VPS37D: variants seen among roughly 807,000 people sequenced by gnomAD.
The protein encoded by VPS37D is VPS37D subunit of ESCRT-I, also known as vacuolar protein sorting-associated protein 37D.
Under a neutral mutation model 22.0 loss-of-function variants are expected in VPS37D, and 5 were observed. That is an observed-to-expected ratio of 0.23 (90% CI 0.12 to 0.48). VPS37D has a LOEUF of 0.48. VPS37D is among the 20% of genes least tolerant of loss of function. VPS37D has a pLI of 0.99. For synonymous variants in VPS37D, 174 were observed against 159.3 expected (o/e 1.09, Z -0.69); for missense variants, 384 against 345.8 (o/e 1.11, Z -0.88).
rs1446723878 is a variant in VPS37D, at chr7:73,668,122, G to A, written c.138+26G>A. 5 of 1,081,062 alleles carry A rather than the reference G, an allele frequency of 4.6e-6. No individual in the cohort carries two copies. In the African/African-American group the frequency reaches 6.8e-5, roughly 15 times the overall value. 67.0% of individuals were successfully genotyped at this position (1,081,062 alleles called of 1,614,324 possible). A position where few individuals can be genotyped will look rare whatever the true frequency, so the allele number is the denominator to read the frequency against. On this transcript the variant is annotated intron_variant, in intron 1 of 3. Transcript: ENST00000324941. ...GTAGCGCGGGGGGCTCGAGCGGGGG[G>A]CGCGGGGGACGGGCAGCGGCCTGCG...
At position 73,668,021 on chromosome 7, in the gene VPS37D, C is replaced by T. The variant is rs781876870; in HGVS notation, c.63C>T (p.Ile21=). Residue 21 remains isoleucine (I), a synonymous_variant, in exon 1 of 4, where the codon ATC becomes ATT. Transcript: ENST00000324941. ...CCGGCAGCCCGGGGCGCTTTGGGAT[C>T]CTCAGCACCGGGCAGCTCCGGGACC... ...PEPGSPGRFG[I]LSTGQLRDLL... is the part of the protein sequence containing the mutation. 4.3e-5 allele frequency: 49 copies of T among 1,151,674 alleles called. No homozygotes were observed. The highest frequency in any genetic ancestry group is 5.3e-5 in the Non-Finnish European group (49 of 926,922). 71.3% of individuals were successfully genotyped at this position (1,151,674 alleles called of 1,614,324 possible). A position where few individuals can be genotyped will look rare whatever the true frequency, so the allele number is the denominator to read the frequency against.
At chr7:73,668,213 T>G in intron 1 of VPS37D, 117 bp downstream of exon 1, 1 of 567,938 alleles carries the variant, frequency 1.8e-6, no homozygotes, top group Non-Finnish European at 2.2e-6. Context: ...GCGCGGAGCC[T>G]GGCACGTACG....
chr7:73,671,319 C>A lies in VPS37D; in HGVS notation c.699C>A (p.Leu233=). ...TGAAGGGCTCCCCCGGGTGCCCCCT[C>A]GGCCCGGCCCCCCTGCTGAGCCCTC... is the stretch of plus-strand genomic sequence containing the variant. ...PPLKGSPGCP[L]GPAPLLSPRP... Residue 233 remains leucine, a synonymous_variant, in exon 4 of 4, where the codon CTC becomes CTA. Transcript: ENST00000324941. 3 of 1,382,248 alleles carry A rather than the reference C, an allele frequency of 2.2e-6. No individual in the cohort carries two copies. Among genetic ancestry groups the A allele is most frequent in the South Asian group, 3.1e-5 (2 of 64,444 alleles). 85.6% of individuals were successfully genotyped at this position (1,382,248 alleles called of 1,614,324 possible).
At chr7:73,667,420 C>T (rs535392096), upstream of VPS37D, among the ~76,000 whole-genome samples, 9 of 152,282 alleles carry the variant, frequency 5.9e-5, no homozygotes, top group East Asian at 1.5e-3. Flanking sequence ...AGAGAGCCAC[C>T]GCGCCCGGCC....
At chr7:73,669,787 C>A (rs1362081108) in intron 2 of VPS37D, among the ~76,000 whole-genome samples, 197 bp downstream of exon 2, 1 of 152,094 alleles carries the variant, frequency 6.6e-6, no homozygotes, top group Admixed American at 6.6e-5. Context: ...TACGCAGGGT[C>A]CCCCTGAGAT....
At chr7:73,670,637 G>A (rs1281700611) in intron 3 of VPS37D, among the ~76,000 whole-genome samples, 3 of 151,956 alleles carry the variant, frequency 2.0e-5, no homozygotes, top group East Asian at 1.9e-4. Flanking sequence ...GTGAAACCCC[G>A]TCTCTACAAA....
chr7:73,668,576 A>C (rs1188947460), intron 1 of VPS37D, among the ~76,000 whole-genome samples: 1 of 151,870 alleles, frequency 6.6e-6, no homozygotes, highest in African/African-American at 2.4e-5. Context: ...TGTGTATTGC[A>C]TAGGCCACCG....
chr7:73,669,980 C>A (rs1797469846), intron 2 of VPS37D, 40 bp from the exon 3 acceptor site: 1 of 1,551,242 alleles, frequency 6.4e-7, no homozygotes, highest in Admixed American at 2.0e-5. Context: ...AAGCCCGGGG[C>A]CCTGGCCTGT....
intron 3 of VPS37D, 83 bp downstream of exon 3, chr7:73,670,185 C>A: frequency 6.5e-7 from 1 of 1,541,698 alleles, no homozygotes; most frequent in Non-Finnish European, 8.7e-7. Context: ...ACACCTCAGG[C>A]TGGGGAGCCC....
rs1554609309 is a variant in VPS37D, at chr7:73,669,566, T to C, written c.286T>C (p.Cys96Arg). Residue 96 changes from cysteine (C) to arginine (R), a missense_variant, in exon 2 of 4, where the codon TGC becomes CGC. By Grantham distance (180) the Cys-to-Arg change is radical. Transcript: ENST00000324941. ...YQELREVAEN[C>R]ADKLQRLEES... is the part of the protein sequence containing the mutation. ...GGAGCTTCGTGAGGTGGCCGAGAAC[T>C]GCGCGGACAAGCTGCAGCGACTGGG... 6.3e-7 allele frequency: 1 copy of C among 1,592,556 alleles called. No homozygotes were observed.
rs534139900 is a variant in VPS37D, at chr7:73,670,671, G to A, written c.394-343G>A. Among the ~76,000 whole-genome samples, 6 of 152,230 alleles carry A rather than the reference G, an allele frequency of 3.9e-5. No homozygotes were observed. The South Asian group carries it at 6.2e-4, about 16-fold the overall frequency. The stretch of plus-strand genomic sequence containing the variant: ...AAATACAAAAAAAAATTAGCCGGGC[G>A]TGGTGGTGCATGTCTGTCATCTCAG... On this transcript the variant is annotated intron_variant, in intron 3 of 3. Coordinates refer to ENST00000324941, the MANE Select transcript of VPS37D (RefSeq NM_001077621.2).
upstream of VPS37D, among the ~76,000 whole-genome samples, chr7:73,667,508 A>G (rs139682215): frequency 5.3e-3 from 808 of 152,004 alleles, 3 homozygotes; most frequent in Non-Finnish European, 8.3e-3. Flanking sequence ...GCAAGGCAGG[A>G]GCCCTCGGCG....
In VPS37D at chr7:73,671,850, G is replaced by A. The variant is rs1397176988; in HGVS notation, c.*474G>A. On this transcript the variant is annotated 3_prime_UTR_variant, in exon 4 of 4. Coordinates refer to ENST00000324941, the MANE Select transcript of VPS37D (RefSeq NM_001077621.2). The stretch of plus-strand genomic sequence containing the variant: ...CCACAGCCTAGGAGCCAGGTGATCA[G>A]GCCTCGGCTGTGGGGCCAGGGACAC... The A allele has an allele frequency of 3.3e-5, 5 of 152,264 alleles. No homozygotes were observed. The highest frequency in any genetic ancestry group is 1.2e-4 in the African/African-American group (5 of 41,444). 9.4% of individuals were successfully genotyped at this position (152,264 alleles called of 1,614,324 possible). A position where few individuals can be genotyped will look rare whatever the true frequency, so the allele number is the denominator to read the frequency against.
At chr7:73,670,642 T>C (rs1797486497) in intron 3 of VPS37D, among the ~76,000 whole-genome samples, 1 of 151,932 alleles carries the variant, frequency 6.6e-6, no homozygotes, top group Non-Finnish European at 1.5e-5. Context: ...ACCCCGTCTC[T>C]ACAAAATACA....
intron 3 of VPS37D, among the ~76,000 whole-genome samples, chr7:73,670,381 T>C (rs1393632147): frequency 6.6e-6 from 1 of 152,068 alleles, no homozygotes; most frequent in Non-Finnish European, 1.5e-5. Context: ...TTGTGCTGGG[T>C]TGGGAGTGCA....
chr7:73,667,871 C>CCGAAGCGGAGCGGAGCGGAGCGGAG lies in VPS37D; in HGVS notation c.-86_-85insAAGCGGAGCGGAGCGGAGCGGAGCG. 1 of 372,836 alleles carries CCGAAGCGGAGCGGAGCGGAGCGGAG rather than the reference C, an allele frequency of 2.7e-6. No homozygotes were observed. 23.1% of individuals were successfully genotyped at this position (372,836 alleles called of 1,614,324 possible). On this transcript the variant is annotated 5_prime_UTR_variant, in exon 1 of 4. Transcript: ENST00000324941. ...GCCGGAGCCGGAGCGGATCCTGGAG[C>CCGAAGCGGAGCGGAGCGGAGCGGAG]CGGAGCGGAGCGGAGCGGAGCGGAG...
chr7:73,669,252 C>G (rs529639704), intron 1 of VPS37D, among the ~76,000 whole-genome samples, 167 bp from the exon 2 acceptor site: 1 of 152,198 alleles, frequency 6.6e-6, no homozygotes, highest in African/African-American at 2.4e-5. Context: ...GTTCTGGTCC[C>G]GGCCTGTCAT....
intron 1 of VPS37D, among the ~76,000 whole-genome samples, chr7:73,668,410 C>T (rs1554609050): frequency 6.6e-6 from 1 of 151,780 alleles, no homozygotes; most frequent in African/African-American, 2.4e-5. Flanking sequence ...GGCTCGCACA[C>T]CCACGTTCTG....
At position 73,669,494 on chromosome 7, in the gene VPS37D, C is replaced by A; in HGVS notation, c.214C>A (p.Arg72=). The part of the protein sequence containing the change: ...YALAKENLAL[R]PRLEMGRAAL... ...GCTGGCCAAGGAGAACCTGGCCCTGCGGCCCCGCCTGGAGATGGGCCGGGC... is the reference window on the plus strand; with the variant it reads ...GCTGGCCAAGGAGAACCTGGCCCTGAGGCCCCGCCTGGAGATGGGCCGGGC... Residue 72 remains arginine (R), a synonymous_variant, in exon 2 of 4, where the codon CGG becomes AGG. Transcript: ENST00000324941. 1 of 1,580,566 alleles carries A rather than the reference C, an allele frequency of 6.3e-7. No homozygotes were observed. The highest frequency in any genetic ancestry group is 8.6e-7 in the Non-Finnish European group (1 of 1,163,724).
Sources: gnomAD v4.1 joint callset for allele counts (sites outside exome capture counted in the v4.1 genomes callset) on GRCh38, gnomAD v4.1.1 for gene constraint, MANE v1.5 for transcripts, NCBI Gene and HGNC (gene_info 2026-07-23, HGNC 2026-07-21) for gene names.